The following RCSD1 variants were observed in gnomAD, a reference collection of about 807,000 sequenced individuals.
The protein encoded by RCSD1 is capZ-interacting protein.
In RCSD1, 26 loss-of-function variants were observed where a neutral mutation model predicts 42.5. The ratio of observed to expected loss-of-function variants is 0.61; its 90% CI spans 0.45 to 0.85. The LOEUF (loss-of-function observed/expected upper bound fraction) is 0.85. Ranked by LOEUF, RCSD1 falls within the 40% of genes least tolerant of loss-of-function variation. The pLI, the probability that RCSD1 is intolerant of heterozygous loss-of-function variation, is 0.00. For missense variants in RCSD1, 571 were observed against 528.3 expected, an observed-to-expected ratio of 1.08 and a Z score of -0.79; for synonymous variants, 220 against 212.2, an observed-to-expected ratio of 1.04 and a Z score of -0.32.
chr1:167,655,899 T>A (rs1379399181), intron 1 of RCSD1, among the ~76,000 whole-genome samples: 1 of 152,146 alleles, frequency 6.6e-6, no homozygotes, highest in Non-Finnish European at 1.5e-5. Flanking sequence ...ATACATAAAC[T>A]AAAACTTTGG....
intron 1 of RCSD1, among the ~76,000 whole-genome samples, chr1:167,637,890 G>A (rs1467010813): frequency 3.3e-5 from 5 of 152,200 alleles, no homozygotes; most frequent in Non-Finnish European, 5.9e-5. Flanking sequence ...GACAAGGGAT[G>A]CACCAGGGTG....
intron 6 of RCSD1, among the ~76,000 whole-genome samples, chr1:167,699,186 GT>G (rs1373946861): frequency 6.6e-6 from 1 of 152,124 alleles, no homozygotes; most frequent in Non-Finnish European, 1.5e-5. Flanking sequence ...GGTTTGGTTT[GT>G]TTTTTAGATC....
chr1:167,704,779 C>G lies in RCSD1; in HGVS notation c.*83C>G. 2.2e-6 allele frequency: 3 copies of G among 1,393,484 alleles called. No individual in the cohort carries two copies. The highest frequency in any genetic ancestry group is 3.0e-6 in the Non-Finnish European group (3 of 987,396). 86.3% of individuals were successfully genotyped at this position (1,393,484 alleles called of 1,614,324 possible). ...CAGCAACAGTTGTAGCAGCAGCAGA[C>G]GAAGCCATTGCAGAGGCAGAATATG... On this transcript the variant is annotated 3_prime_UTR_variant, in exon 7 of 7. Transcript: ENST00000367854.
intron 6 of RCSD1, 124 bp downstream of exon 6, chr1:167,697,966 G>C (rs1225103209): frequency 4.9e-6 from 6 of 1,225,474 alleles, no homozygotes; most frequent in Non-Finnish European, 6.2e-6. Flanking sequence ...AAAGGTGCCA[G>C]GCTCCTGCCT....
chr1:167,671,532 C>G (rs1309809708), intron 1 of RCSD1, among the ~76,000 whole-genome samples: 1 of 152,218 alleles, frequency 6.6e-6, no homozygotes. Flanking sequence ...CTTGGCAGAT[C>G]CAGACCCCAC....
chr1:167,701,061 G>T (rs772371926), intron 6 of RCSD1, among the ~76,000 whole-genome samples: 1 of 152,104 alleles, frequency 6.6e-6, no homozygotes, highest in Non-Finnish European at 1.5e-5. Flanking sequence ...TGCCACTTCC[G>T]TATTCCCAAC....
At chr1:167,669,100 C>T (rs569279217) in intron 1 of RCSD1, among the ~76,000 whole-genome samples, 1 of 152,248 alleles carries the variant, frequency 6.6e-6, no homozygotes, top group South Asian at 2.1e-4. Flanking sequence ...AAATGATGTG[C>T]ATGAAAAAAG....
intron 1 of RCSD1, among the ~76,000 whole-genome samples, chr1:167,668,370 G>A (rs1658713412): frequency 6.6e-6 from 1 of 151,460 alleles, no homozygotes; most frequent in African/African-American, 2.4e-5. Context: ...GGAGGTTTTT[G>A]TGTAAACTCT....
intron 4 of RCSD1, among the ~76,000 whole-genome samples, chr1:167,693,112 C>A (rs528005127): frequency 7.2e-5 from 11 of 152,324 alleles, no homozygotes; most frequent in Middle Eastern, 3.4e-3. Context: ...GTATGGAAAA[C>A]CCATGTACTT....
intron 1 of RCSD1, among the ~76,000 whole-genome samples, chr1:167,679,520 A>T (rs1659028984): frequency 6.6e-6 from 1 of 152,236 alleles, no homozygotes; most frequent in Non-Finnish European, 1.5e-5. Flanking sequence ...TGAAGTGATG[A>T]TTTAAGCGTG....
intron 1 of RCSD1, among the ~76,000 whole-genome samples, chr1:167,669,034 G>A (rs184338937): frequency 1.3e-5 from 2 of 152,256 alleles, no homozygotes; most frequent in Admixed American, 6.5e-5. Flanking sequence ...TTCTGCCTCC[G>A]AATTAGACAC....
intron 1 of RCSD1, among the ~76,000 whole-genome samples, chr1:167,648,758 G>A (rs1658229983): frequency 6.6e-6 from 1 of 152,198 alleles, no homozygotes; most frequent in South Asian, 2.1e-4. Flanking sequence ...ACCAGTCAGG[G>A]ATGGAGGCAG....
intron 2 of RCSD1, 78 bp from the exon 3 acceptor site, chr1:167,685,343 A>G: frequency 8.6e-7 from 1 of 1,166,404 alleles, no homozygotes; most frequent in Non-Finnish European, 1.2e-6. Context: ...ACCAGTTTCC[A>G]TTTCCTTGCT....
chr1:167,656,423 A>C (rs1026666988), intron 1 of RCSD1, among the ~76,000 whole-genome samples: 1 of 152,252 alleles, frequency 6.6e-6, no homozygotes, highest in African/African-American at 2.4e-5. Context: ...TACTGGAATA[A>C]AATGCAGCAG....
At chr1:167,695,964 C>T (rs1047499995) in intron 5 of RCSD1, among the ~76,000 whole-genome samples, 3 of 152,216 alleles carry the variant, frequency 2.0e-5, no homozygotes, top group Admixed American at 2.0e-4. Context: ...GAGAGATCAC[C>T]TTCAGGCAGC....
Position 167,704,905 on chromosome 1 carries a change from A to G in RCSD1, c.*209A>G, listed in dbSNP as rs543288088. On this transcript the variant is annotated 3_prime_UTR_variant, in exon 7 of 7. Transcript: ENST00000367854. ...TGGAGACTGAATCTGAGGGCAGCAG[A>G]CTTTTATCAGCTTGAGTTTATGTCA... The G allele has an allele frequency of 2.1e-5, 11 of 534,490 alleles. No homozygotes were observed. The South Asian group carries it at 2.2e-4, about 11-fold the overall frequency. 33.1% of individuals were successfully genotyped at this position (534,490 alleles called of 1,614,324 possible). A position where few individuals can be genotyped will look rare whatever the true frequency, so the allele number is the denominator to read the frequency against.
At chr1:167,662,814 G>A (rs187553317) in intron 1 of RCSD1, among the ~76,000 whole-genome samples, 44 of 152,294 alleles carry the variant, frequency 2.9e-4, no homozygotes, top group African/African-American at 9.4e-4. Flanking sequence ...GGGTTTGCTT[G>A]GCATCCCTGA....
intron 1 of RCSD1, among the ~76,000 whole-genome samples, chr1:167,679,679 C>A (rs1347972804): frequency 1.3e-5 from 2 of 152,240 alleles, no homozygotes; most frequent in Admixed American, 6.5e-5. Flanking sequence ...CAGCCCCACA[C>A]TGGGCTCTCT....
chr1:167,639,266 G>A (rs1008724815), intron 1 of RCSD1, among the ~76,000 whole-genome samples: 1 of 126,864 alleles, frequency 7.9e-6, no homozygotes, highest in Non-Finnish European at 1.7e-5. Flanking sequence ...CAAACAAAAA[G>A]GTCCTCTGAC....
Sources: allele counts gnomAD v4.1 joint callset (sites outside exome capture counted in the v4.1 genomes callset), GRCh38; gene constraint gnomAD v4.1.1; transcripts MANE v1.5; gene names NCBI Gene and HGNC (gene_info 2026-07-23, HGNC 2026-07-21).